Variants in RPL6 observed in about 807,000 individuals in gnomAD.
RPL6 encodes the protein large ribosomal subunit protein eL6.
In RPL6, 1 loss-of-function variant was observed where a neutral mutation model predicts 32.1. The ratio of observed to expected loss-of-function variants is 0.03; its 90% CI spans 0.01 to 0.15. The LOEUF (loss-of-function observed/expected upper bound fraction) is 0.15. RPL6 is among the 10% of genes least tolerant of loss of function. RPL6 has a pLI of 1.00. For synonymous variants in RPL6, 126 were observed against 131.6 expected (o/e 0.96, Z 0.29); for missense variants, 275 against 354.6 (o/e 0.78, Z 1.80).
intron 1 of RPL6, among the ~76,000 whole-genome samples, chr12:112,416,500 T>A (rs2135812846): frequency 6.6e-6 from 1 of 152,242 alleles, no homozygotes; most frequent in Middle Eastern, 3.4e-3. Context: ...GGTCTCAAAC[T>A]CCTGACCTCA....
chr12:112,417,379 T>A (rs1037741041), intron 1 of RPL6, among the ~76,000 whole-genome samples: 1 of 149,692 alleles, frequency 6.7e-6, no homozygotes, highest in South Asian at 2.1e-4. Context: ...CTTCAATGAG[T>A]CATATGCGCA....
Position 112,406,910 on chromosome 12 carries a change from C to G in RPL6, c.337-20G>C, listed in dbSNP as rs759820119. 6.2e-7 allele frequency: 1 copy of G among 1,612,922 alleles called. No homozygotes were observed. The highest frequency in any genetic ancestry group is 2.2e-5 in the East Asian group (1 of 44,882). On this transcript the variant is annotated intron_variant, in intron 3 of 6. Coordinates refer to ENST00000202773, the MANE Select transcript of RPL6 (RefSeq NM_000970.6). ...TCTAGGCTGTGGAGAGTCCATAGAT[C>G]CAACTTATTTAAATAAGCCATTCAG...
chr12:112,410,075 G>A (rs569026546), upstream of RPL6, among the ~76,000 whole-genome samples: 4 of 151,148 alleles, frequency 2.6e-5, no homozygotes, highest in South Asian at 8.3e-4. Context: ...CAAAGATCGT[G>A]CCACTGCGTG....
At position 112,408,355 on chromosome 12, in the gene RPL6, G is replaced by C. The variant is rs775744201; in HGVS notation, c.238-17C>G. 74 of 1,613,186 alleles carry C rather than the reference G, an allele frequency of 4.6e-5. No homozygotes were observed. The highest frequency in any genetic ancestry group is 6.1e-5 in the Non-Finnish European group (72 of 1,179,242). ...CTTTTCAACCTACAAGGACACAAAT[G>C]CATCAACAGTAAGAGAATGCCAATT... On this transcript the variant is annotated splice_polypyrimidine_tract_variant and intron_variant, in intron 2 of 6. Coordinates refer to ENST00000202773, the MANE Select transcript of RPL6 (RefSeq NM_000970.6).
rs1424461790 is a variant in RPL6 at position 112,406,130 on chromosome 12, G to A, written c.530-93C>T. ...ATTACTTGTTATGTTGCTACACAAA[G>A]AAGACCACTTGTCTAACCCACTTGC... is the stretch of plus-strand genomic sequence containing the variant. On this transcript the variant is annotated intron_variant, in intron 5 of 6. Coordinates refer to ENST00000202773, the MANE Select transcript of RPL6 (RefSeq NM_000970.6). 56 of 1,286,884 alleles carry A rather than the reference G, an allele frequency of 4.4e-5. No homozygotes were observed. In the South Asian group the frequency reaches 7.0e-4, roughly 16 times the overall value. The allele number at this position is 1,286,884 out of a possible 1,614,324, so 79.7% of individuals were successfully genotyped here. A position where few individuals can be genotyped will look rare whatever the true frequency, so the allele number is the denominator to read the frequency against.
At chr12:112,417,954 C>T (rs2037441360) in intron 1 of RPL6, among the ~76,000 whole-genome samples, 1 of 152,018 alleles carries the variant, frequency 6.6e-6, no homozygotes, top group Non-Finnish European at 1.5e-5. Context: ...TGTGCCACCG[C>T]TCCCACCCCA....
upstream of RPL6, among the ~76,000 whole-genome samples, chr12:112,409,910 G>A (rs1434394737): frequency 2.0e-5 from 3 of 151,814 alleles, no homozygotes; most frequent in Non-Finnish European, 2.9e-5. Context: ...CAGTCGAGGC[G>A]CGGAGGCAGG....
upstream of RPL6, among the ~76,000 whole-genome samples, chr12:112,410,144 C>A (rs1033461280): frequency 6.6e-6 from 1 of 151,094 alleles, no homozygotes; most frequent in Non-Finnish European, 1.5e-5. Context: ...ATAACAACAA[C>A]AAAAAAAAGA....
chr12:112,412,829 C>CACGAGAATCACTTGA (rs1186808514), upstream of RPL6, among the ~76,000 whole-genome samples: 1 of 151,914 alleles, frequency 6.6e-6, no homozygotes, highest in Non-Finnish European at 1.5e-5. Flanking sequence ...GAGGCTGAGG[C>CACGAGAATCACTTGA]ACGAGAATCA....
Position 112,406,822 on chromosome 12 carries a change from C to G in RPL6, c.405G>C (p.Gln135His). The G allele has an allele frequency of 6.2e-7, 1 of 1,614,248 alleles. No homozygotes were observed. ...TGCTGGCTCGCAGTTTTCTCACGTG[C>G]TGACTGAAGGGTTTTTTGCCGTGGC... ...LLSHGKKPFS[Q>H]HVRKLRASIT... is the part of the protein sequence containing the mutation. The change falls in exon 4 of 7, where the codon CAG becomes CAC. Residue 135 changes from glutamine to histidine, a missense_variant. Gln to His is a conservative substitution (Grantham distance 24, BLOSUM62 0). Transcript: ENST00000202773.
Position 112,408,610 on chromosome 12 carries a change from G to A in RPL6, c.47C>T (p.Pro16Leu), listed in dbSNP as rs750822282. 1.3e-5 allele frequency: 21 copies of A among 1,585,364 alleles called. No homozygotes were observed. The highest frequency in any genetic ancestry group is 1.8e-5 in the Non-Finnish European group (21 of 1,173,774). ...ACCAGCATCAACCTTCTTGGCTTCG[G>A]GTTTCTTCTCTTTAGTATCTGGCTT... ...VEKPDTKEKK[P>L]EAKKVDAGGK... The change falls in exon 2 of 7, where the codon CCC becomes CTC. Residue 16 changes from proline (P) to leucine (L), a missense_variant. Coordinates refer to ENST00000202773, the MANE Select transcript of RPL6 (RefSeq NM_000970.6).
intron 3 of RPL6, 32 bp from the exon 4 acceptor site, chr12:112,406,922 A>C: frequency 6.2e-7 from 1 of 1,611,128 alleles, no homozygotes; most frequent in South Asian, 1.1e-5. Flanking sequence ...AACTTATTTA[A>C]ATAAGCCATT....
At chr12:112,406,487 A>C (rs1430737439) in intron 4 of RPL6, 145 bp from the exon 5 acceptor site, 1 of 812,296 alleles carries the variant, frequency 1.2e-6, no homozygotes. Context: ...CAACCACAGC[A>C]AGCTACTAAG....
chr12:112,406,894 T>C lies in RPL6; in HGVS notation c.337-4A>G. 1 of 1,614,220 alleles carries C rather than the reference T, an allele frequency of 6.2e-7. No individual in the cohort carries two copies. The highest frequency in any genetic ancestry group is 8.5e-7 in the Non-Finnish European group (1 of 1,180,030). On this transcript the variant is annotated splice_polypyrimidine_tract_variant and splice_region_variant and intron_variant, in intron 3 of 6. Coordinates refer to ENST00000202773, the MANE Select transcript of RPL6 (RefSeq NM_000970.6). Reference sequence around the variant, plus strand: ...CTTCAGTAGGATAATATCTAGGCTGTGGAGAGTCCATAGATCCAACTTATT... The same window carrying C: ...CTTCAGTAGGATAATATCTAGGCTGCGGAGAGTCCATAGATCCAACTTATT...
intron 1 of RPL6, 198 bp from the exon 2 acceptor site, chr12:112,408,854 TA>T (rs2037266232): frequency 7.2e-6 from 4 of 555,238 alleles, no homozygotes; most frequent in African/African-American, 1.9e-5. Context: ...GTCTCCCCAA[TA>T]CACTATAAAC....
chr12:112,407,999 C>T, intron 3 of RPL6: 1 of 494,514 alleles, frequency 2.0e-6, no homozygotes, highest in Non-Finnish European at 3.6e-6. Context: ...GGATTACAGG[C>T]ATTAGCCACC....
chr12:112,413,359 AC>A (rs939435423), upstream of RPL6, among the ~76,000 whole-genome samples: 1 of 151,896 alleles, frequency 6.6e-6, no homozygotes, highest in Non-Finnish European at 1.5e-5. Flanking sequence ...ACACGGCGAA[AC>A]CCCGTCTCTA....
chr12:112,411,422 C>T (rs1281714058), upstream of RPL6: 1 of 152,192 alleles, frequency 6.6e-6, no homozygotes, highest in South Asian at 2.1e-4. Flanking sequence ...AATCATTTAG[C>T]CTTTTTCTGG....
At chr12:112,406,997 A>G in intron 3 of RPL6, 107 bp from the exon 4 acceptor site, 1 of 1,095,686 alleles carries the variant, frequency 9.1e-7, no homozygotes, top group Non-Finnish European at 1.3e-6. Flanking sequence ...TTAAAGTATA[A>G]TACTGTATTT....
Sources: gnomAD v4.1 joint callset for allele counts (sites outside exome capture counted in the v4.1 genomes callset) on GRCh38, gnomAD v4.1.1 for gene constraint, MANE v1.5 for transcripts, NCBI Gene and HGNC (gene_info 2026-07-23, HGNC 2026-07-21) for gene names.